The following TPST2 variants were observed in gnomAD, a reference collection of about 807,000 sequenced individuals.
The protein encoded by TPST2 is tyrosylprotein sulfotransferase 2.
TPST2 carries 16 observed loss-of-function variants against 27.8 expected under a neutral mutation model. The observed-to-expected ratio is 0.58, with a 90% CI of 0.39 to 0.88. TPST2 has a LOEUF of 0.88. Ranked by LOEUF, TPST2 falls within the 40% of genes least tolerant of loss-of-function variation. The probability of loss-of-function intolerance (pLI) is 0.00; values close to 1 mark genes in which losing one functional copy is unlikely to be tolerated. For missense variants in TPST2, 464 were observed against 543.1 expected (o/e 0.85, Z 1.45); for synonymous variants, 229 against 231.7 (o/e 0.99, Z 0.10).
chr22:26,583,668 T>G (rs1366787790), intron 1 of TPST2, among the ~76,000 whole-genome samples: 7 of 151,808 alleles, frequency 4.6e-5, no homozygotes, highest in Non-Finnish European at 8.8e-5. Flanking sequence ...GGTGAAACCC[T>G]GTCTCTACTA....
intron 1 of TPST2, among the ~76,000 whole-genome samples, chr22:26,571,743 G>T (rs2147231986): frequency 1.3e-5 from 2 of 152,224 alleles, no homozygotes; most frequent in East Asian, 1.9e-4. Flanking sequence ...CCTGAGCTTG[G>T]TTTCTCTTCC....
At chr22:26,540,180 C>G (rs5997101) in intron 3 of TPST2, among the ~76,000 whole-genome samples, 1 of 152,148 alleles carries the variant, frequency 6.6e-6, no homozygotes, top group African/African-American at 2.4e-5. Context: ...GGGGTTGAGT[C>G]GCTTTGCCCA....
At position 26,541,424 on chromosome 22, in the gene TPST2, C is replaced by T. The variant is rs376003299; in HGVS notation, c.207G>A (p.Pro69=). ...HVEYRYGKAM[P]LIFVGGVPRS... is the part of the protein sequence containing the mutation. ...GAGGCACGCCACCCACGAAGATGAG[C>T]GGCATGGCCTTGCCATAGCGGTATT... The change falls in exon 3 of 7, where the codon CCG becomes CCA. Residue 69 remains proline (P), a synonymous_variant. Transcript: ENST00000338754. The surrounding 1 kb of genome is among the most constrained non-coding windows in gnomAD (Gnocchi z 5.9). The T allele has an allele frequency of 7.5e-5, 119 of 1,577,338 alleles. No homozygotes were observed. Among genetic ancestry groups the T allele is most frequent in the Middle Eastern group, 3.4e-4 (2 of 5,892 alleles).
intron 1 of TPST2, among the ~76,000 whole-genome samples, chr22:26,552,453 T>C (rs1203597951): frequency 1.3e-5 from 2 of 152,082 alleles, no homozygotes; most frequent in African/African-American, 4.8e-5. Context: ...ACACAGATGG[T>C]AATTGGTTGA....
intron 1 of TPST2, among the ~76,000 whole-genome samples, chr22:26,567,447 T>A (rs1340258689): frequency 6.6e-6 from 1 of 152,204 alleles, no homozygotes; most frequent in Non-Finnish European, 1.5e-5. Context: ...CCATTTTAAT[T>A]CAGGGCTTCC....
chr22:26,570,057 A>AGACAGAC (rs1569193980), intron 1 of TPST2, among the ~76,000 whole-genome samples: 11 of 148,798 alleles, frequency 7.4e-5, no homozygotes, highest in Non-Finnish European at 6.0e-5. Flanking sequence ...GAAAGAAAGA[A>AGACAGAC]AGAAAGAAGG....
At chr22:26,586,242 TTAA>T (rs1282606496) in intron 1 of TPST2, among the ~76,000 whole-genome samples, 2 of 151,898 alleles carry the variant, frequency 1.3e-5, no homozygotes, top group Admixed American at 6.6e-5. Flanking sequence ...CTTTCTTTTT[TTAA>T]TATTTAATTG....
In TPST2 at chr22:26,536,417, G is replaced by A; in HGVS notation, c.912C>T (p.His304=). ...NLEALSKWTG[H]IPGDVVRDMA... is the part of the protein sequence containing the mutation. ...TGTCCCGCACCACATCCCCAGGGAT[G>A]TGGCCAGTCCACTTGGAGAGCGCTT... is the stretch of plus-strand genomic sequence containing the variant. Residue 304 remains histidine (H), a synonymous_variant, in exon 4 of 7, where the codon CAC becomes CAT. Transcript: ENST00000338754. 2 of 1,585,624 alleles carry A rather than the reference G, an allele frequency of 1.3e-6. No individual in the cohort carries two copies. Among genetic ancestry groups the A allele is most frequent in the South Asian group, 2.3e-5 (2 of 87,324 alleles).
At chr22:26,572,405 TA>T (rs1027402488) in intron 1 of TPST2, among the ~76,000 whole-genome samples, 1 of 152,218 alleles carries the variant, frequency 6.6e-6, no homozygotes, top group Non-Finnish European at 1.5e-5. Context: ...CACAAATCCC[TA>T]AAATTACTTG....
intron 1 of TPST2, among the ~76,000 whole-genome samples, chr22:26,557,984 C>T (rs1926888585): frequency 6.6e-6 from 1 of 150,836 alleles, no homozygotes; most frequent in Non-Finnish European, 1.5e-5. Context: ...GAGGTCAAGA[C>T]TGCAGTGAGC....
intron 1 of TPST2, among the ~76,000 whole-genome samples, chr22:26,544,891 T>A (rs1411835547): frequency 6.6e-6 from 1 of 152,228 alleles, no homozygotes; most frequent in Non-Finnish European, 1.5e-5. Context: ...GGCTCACTTC[T>A]TAGGCAGAGA....
intron 4 of TPST2, among the ~76,000 whole-genome samples, chr22:26,533,205 A>G (rs1925264716): frequency 6.6e-6 from 1 of 152,182 alleles, no homozygotes; most frequent in African/African-American, 2.4e-5. Context: ...ACTTGAGTCC[A>G]GCAGTTTGAG....
Position 26,522,974 on chromosome 22 carries a change from C to A in TPST2, c.*3301G>T, listed in dbSNP as rs1446568948. 6.6e-6 allele frequency: 1 copy of A among 152,210 alleles called. No individual in the cohort carries two copies. The highest frequency in any genetic ancestry group is 1.5e-5 in the Non-Finnish European group (1 of 68,184). 9.4% of individuals were successfully genotyped at this position (152,210 alleles called of 1,614,324 possible). A position where few individuals can be genotyped will look rare whatever the true frequency, so the allele number is the denominator to read the frequency against. Reference sequence around the variant, plus strand: ...TACTCAGGAGGCTGAGGTGAAAGGACTGCTTGAGCCCAGGAGTTAGAGGTT... The same window carrying A: ...TACTCAGGAGGCTGAGGTGAAAGGAATGCTTGAGCCCAGGAGTTAGAGGTT... On this transcript the variant is annotated 3_prime_UTR_variant, in exon 7 of 7. Coordinates refer to ENST00000338754, the MANE Select transcript of TPST2 (RefSeq NM_003595.5).
intron 1 of TPST2, among the ~76,000 whole-genome samples, chr22:26,566,930 G>C (rs1408072402): frequency 1.3e-5 from 2 of 152,154 alleles, no homozygotes; most frequent in Non-Finnish European, 2.9e-5. Context: ...TGGTAGTATG[G>C]GGTGGGGCTG....
At chr22:26,540,112 G>GT (rs1416606025) in intron 3 of TPST2, among the ~76,000 whole-genome samples, 1 of 152,168 alleles carries the variant, frequency 6.6e-6, no homozygotes, top group Non-Finnish European at 1.5e-5. Flanking sequence ...ATGCCCACAG[G>GT]TATCTATAAG....
intron 1 of TPST2, among the ~76,000 whole-genome samples, chr22:26,571,206 C>T (rs1205002695): frequency 6.6e-6 from 1 of 152,208 alleles, no homozygotes; most frequent in Non-Finnish European, 1.5e-5. Context: ...CACGCTGGCC[C>T]CCTTGCTGTC....
chr22:26,576,614 C>T (rs1927844588), intron 1 of TPST2, among the ~76,000 whole-genome samples: 1 of 151,980 alleles, frequency 6.6e-6, no homozygotes, highest in Admixed American at 6.6e-5. Flanking sequence ...TCACTGTGAA[C>T]AGAATTGTCT....
rs769912442 is a variant in TPST2, at chr22:26,540,831, T to C, written c.800A>G (p.His267Arg). Residue 267 changes from histidine to arginine, a missense_variant, in exon 3 of 7, where the codon CAT (histidine) becomes CGT (arginine). His to Arg is a conservative substitution (Grantham distance 29). Coordinates refer to ENST00000338754, the MANE Select transcript of TPST2 (RefSeq NM_003595.5). ...GIAWSDAVLH[H>R]EDLIGKPGGV... ...ACCGGGCTTGCCAATGAGGTCTTCATGGTGGAGGACAGCGTCGCTCCAGGC... is the reference window on the plus strand; with the variant it reads ...ACCGGGCTTGCCAATGAGGTCTTCACGGTGGAGGACAGCGTCGCTCCAGGC... 1 of 1,611,764 alleles carries C rather than the reference T, an allele frequency of 6.2e-7. No homozygotes were observed. Among genetic ancestry groups the C allele is most frequent in the Non-Finnish European group, 8.5e-7 (1 of 1,178,674 alleles).
rs569284727 is a variant in TPST2 at position 26,526,044 on chromosome 22, C to T, written c.*231G>A. On this transcript the variant is annotated 3_prime_UTR_variant, in exon 7 of 7. Coordinates refer to ENST00000338754, the MANE Select transcript of TPST2 (RefSeq NM_003595.5). ...TATAAAATACCTAAGTTTCAAAAGC[C>T]GGACTACTTCCATACCCTTCATTCT... is the stretch of plus-strand genomic sequence containing the variant. 2.0e-5 allele frequency: 3 copies of T among 152,302 alleles called. No individual in the cohort carries two copies. The highest frequency in any genetic ancestry group is 4.1e-4 in the South Asian group (2 of 4,826). 9.4% of individuals were successfully genotyped at this position (152,302 alleles called of 1,614,324 possible).
Sources: allele counts gnomAD v4.1 joint callset (sites outside exome capture counted in the v4.1 genomes callset), GRCh38; gene constraint gnomAD v4.1.1; non-coding constraint Gnocchi (gnomAD v3.1); transcripts MANE v1.5; gene names NCBI Gene and HGNC (gene_info 2026-07-23, HGNC 2026-07-21).